Variants in CSMD3 observed in about 807,000 individuals in gnomAD.
CSMD3 encodes CUB and sushi domain-containing protein 3.
In CSMD3, 177 loss-of-function variants were observed where a neutral mutation model predicts 435.2. That is an observed-to-expected ratio of 0.41 (90% confidence interval 0.36 to 0.46). CSMD3 has a LOEUF of 0.46. CSMD3 is among the 20% of genes least tolerant of loss of function. The probability of loss-of-function intolerance (pLI) is 0.34; values close to 1 mark genes in which losing one functional copy is unlikely to be tolerated. For missense variants in CSMD3, 4,265 were observed against 4,504.6 expected (o/e 0.95, Z 1.52); for synonymous variants, 1,656 against 1,520.5 (o/e 1.09, Z -2.07).
chr8:113,127,039 G>A (rs932688744), intron 4 of CSMD3, among the ~76,000 whole-genome samples: 1 of 151,734 alleles, frequency 6.6e-6, no homozygotes, highest in African/African-American at 2.4e-5. Context: ...TTTCTACTTA[G>A]GTGTTTACAT....
At chr8:113,384,271 GTCTGACAT>G in intron 1 of CSMD3, among the ~76,000 whole-genome samples, 1 of 152,246 alleles carries the variant, frequency 6.6e-6, no homozygotes, top group African/African-American at 2.4e-5. Context: ...CTAACTCTGT[GTCTGACAT>G]TTGGAGGGCA....
intron 11 of CSMD3, among the ~76,000 whole-genome samples, chr8:112,857,893 T>G (rs2080710633): frequency 6.6e-6 from 1 of 151,762 alleles, no homozygotes; most frequent in African/African-American, 2.4e-5. Flanking sequence ...AATAAATATT[T>G]GTTGCATTGA....
At chr8:112,916,027 C>T (rs72682109) in intron 10 of CSMD3, among the ~76,000 whole-genome samples, 7,729 of 151,808 alleles carry the variant, frequency 0.051, 223 homozygotes, top group Non-Finnish European at 0.062. Context: ...CCCTCATCAA[C>T]TTACAAATAA....
intron 38 of CSMD3, among the ~76,000 whole-genome samples, chr8:112,373,624 T>C (rs940840206): frequency 6.6e-6 from 1 of 152,098 alleles, no homozygotes; most frequent in African/African-American, 2.4e-5. Flanking sequence ...ACATAAGGAG[T>C]TCTTCAGAAT....
intron 2 of CSMD3, among the ~76,000 whole-genome samples, chr8:113,292,718 C>T (rs1022506801): frequency 1.3e-5 from 2 of 151,634 alleles, no homozygotes; most frequent in Non-Finnish European, 2.9e-5. Flanking sequence ...AGTTGCCAGA[C>T]AATTTTAGCA....
chr8:113,246,022 T>C (rs2093272801), intron 3 of CSMD3, among the ~76,000 whole-genome samples: 1 of 152,056 alleles, frequency 6.6e-6, no homozygotes, highest in South Asian at 2.1e-4. Context: ...TTTCTTTTAC[T>C]GCTTTCAAGT....
intron 13 of CSMD3, among the ~76,000 whole-genome samples, chr8:112,773,341 C>T (rs2078168419): frequency 6.6e-6 from 1 of 151,906 alleles, no homozygotes; most frequent in Admixed American, 6.6e-5. Flanking sequence ...AAGAAGTCTC[C>T]AGTCTAGACT....
rs144587402 is a variant in CSMD3 at position 112,498,662 on chromosome 8, T to A, written c.5083+5128A>T. On this transcript the variant is annotated intron_variant, in intron 30 of 70. Coordinates refer to ENST00000297405, the MANE Select transcript of CSMD3 (RefSeq NM_198123.2). ...TTTGGAAATGTTTTATTAATACTAA[T>A]TTACAGTAGAACCTCACTTTATCTC... is the stretch of plus-strand genomic sequence containing the variant. Among the ~76,000 whole-genome samples the A allele has an allele frequency of 9.3e-4, 142 of 152,280 alleles. 1 individual carries two copies. Among genetic ancestry groups the A allele is most frequent in the African/African-American group, 3.2e-3 (134 of 41,574 alleles).
chr8:113,354,972 T>A (rs958920662), intron 1 of CSMD3, among the ~76,000 whole-genome samples: 2 of 152,136 alleles, frequency 1.3e-5, no homozygotes, highest in Non-Finnish European at 2.9e-5. Context: ...CCCATTTTAC[T>A]CTCAAATTTC....
At chr8:112,511,079 C>A (rs543807953) in intron 28 of CSMD3, among the ~76,000 whole-genome samples, 1 of 152,058 alleles carries the variant, frequency 6.6e-6, no homozygotes, top group African/African-American at 2.4e-5. Context: ...CAGTTTCAGA[C>A]CCCCACAATA....
intron 4 of CSMD3, among the ~76,000 whole-genome samples, chr8:113,162,048 C>A (rs542918041): frequency 6.6e-6 from 1 of 151,592 alleles, no homozygotes; most frequent in South Asian, 2.1e-4. Flanking sequence ...GAGAAAAAGA[C>A]AAGGAAAGAT....
At chr8:112,401,063 G>T (rs1442429605) in intron 35 of CSMD3, among the ~76,000 whole-genome samples, 2 of 152,042 alleles carry the variant, frequency 1.3e-5, no homozygotes, top group East Asian at 3.9e-4. Flanking sequence ...AAAAAAATTA[G>T]CCAGGCATGG....
chr8:113,290,941 T>A (rs1032731402), intron 2 of CSMD3, among the ~76,000 whole-genome samples: 2 of 151,400 alleles, frequency 1.3e-5, no homozygotes, highest in Non-Finnish European at 3.0e-5. Flanking sequence ...AGTATTTTTT[T>A]AAATTACCCA....
At chr8:112,315,448 T>A (rs1218082257) in intron 47 of CSMD3, among the ~76,000 whole-genome samples, 1 of 151,902 alleles carries the variant, frequency 6.6e-6, no homozygotes. Flanking sequence ...GATCAATCCC[T>A]TTTTACTCAA....
rs752937032 is a variant in CSMD3, at chr8:112,556,866, G to T, written c.4131C>A (p.Ile1377=). Residue 1377 remains isoleucine, a synonymous_variant, in exon 25 of 71, where the codon ATC becomes ATA. Transcript: ENST00000297405. The stretch of plus-strand genomic sequence containing the variant: ...TGTAGCCTGGATTGCATCCATAAAT[G>T]ATGGTGCTACCAGCAAAGTGGCCTT... ...SDQGHFAGST[I]IYGCNPGYTL... is the part of the protein sequence containing the mutation. The T allele has an allele frequency of 6.2e-7, 1 of 1,611,562 alleles. No individual in the cohort carries two copies. Among genetic ancestry groups the T allele is most frequent in the South Asian group, 1.1e-5 (1 of 91,034 alleles).
chr8:113,134,625 A>G (rs1472884653), intron 4 of CSMD3, among the ~76,000 whole-genome samples: 1 of 151,958 alleles, frequency 6.6e-6, no homozygotes, highest in Non-Finnish European at 1.5e-5. Flanking sequence ...GCATACACAC[A>G]TATGAAATAT....
intron 45 of CSMD3, among the ~76,000 whole-genome samples, chr8:112,324,584 T>G (rs113390315): frequency 0.023 from 3,496 of 149,938 alleles, 142 homozygotes; most frequent in African/African-American, 0.079. Context: ...TGTGTGTGGG[T>G]GTGTGTGTGT....
At chr8:113,154,705 G>A (rs1243051492) in intron 4 of CSMD3, among the ~76,000 whole-genome samples, 1 of 152,012 alleles carries the variant, frequency 6.6e-6, no homozygotes, top group Non-Finnish European at 1.5e-5. Flanking sequence ...ATGGAATGCT[G>A]AAACAACAAT....
intron 1 of CSMD3, among the ~76,000 whole-genome samples, chr8:113,344,624 T>G (rs1588561528): frequency 6.6e-6 from 1 of 152,260 alleles, no homozygotes; most frequent in South Asian, 2.1e-4. Context: ...AAGTATCACT[T>G]GGGCATCATA....
Sources: allele counts gnomAD v4.1 joint callset (sites outside exome capture counted in the v4.1 genomes callset), GRCh38; gene constraint gnomAD v4.1.1; transcripts MANE v1.5; gene names NCBI Gene and HGNC (gene_info 2026-07-23, HGNC 2026-07-21).